The following NRXN2 variants were observed in gnomAD, a reference collection of about 807,000 sequenced individuals.
NRXN2 encodes the protein neurexin 2, also known as neurexin-2-beta.
In NRXN2, 29 loss-of-function variants were observed where a neutral mutation model predicts 128.8. The ratio of observed to expected loss-of-function variants is 0.23; its 90% CI spans 0.17 to 0.31. NRXN2 has a LOEUF of 0.31. Among genes scored for constraint, NRXN2 ranks in the 10% least tolerant of loss-of-function variants. NRXN2 has a pLI of 1.00. For missense variants in NRXN2, 1,881 were observed against 2,452.6 expected (o/e 0.77, Z 4.92); for synonymous variants, 1,098 against 1,075.2 (o/e 1.02, Z -0.41).
Position 64,667,421 on chromosome 11 carries a change from C to G in NRXN2, c.1627G>C (p.Gly543Arg). 1 of 1,614,182 alleles carries G rather than the reference C, an allele frequency of 6.2e-7. No individual in the cohort carries two copies. The highest frequency in any genetic ancestry group is 8.5e-7 in the Non-Finnish European group (1 of 1,180,020). ...SQGRRAGGGA[G>R]SHSSAQRADY... Reference sequence around the variant, plus strand: ...GCCCGCTGAGCAGAGCTGTGGCTGCCAGCTCCACCCCCAGCCCGCCGGCCC... The same window carrying G: ...GCCCGCTGAGCAGAGCTGTGGCTGCGAGCTCCACCCCCAGCCCGCCGGCCC... Residue 543 changes from glycine (G) to arginine (R), a missense_variant, in exon 9 of 23, where the codon GGC becomes CGC. This residue lies in a region of NRXN2 where 997 missense variants were observed against 1,240.8 expected (regional missense o/e 0.80). Transcript: ENST00000265459. This position sits in a 1 kb window ranked among gnomAD's most constrained non-coding sequence, Gnocchi z 5.6.
chr11:64,655,979 CAG>C (rs1189901940), intron 11 of NRXN2: 1 of 152,238 alleles, frequency 6.6e-6, no homozygotes, highest in Non-Finnish European at 1.5e-5. Context: ...CCTGGCTGGA[CAG>C]AGAGAGCAGG....
Position 64,713,685 on chromosome 11 carries a change from G to A in NRXN2, c.15C>T (p.Ser5=), listed in dbSNP as rs932826622. The A allele has an allele frequency of 6.2e-6, 7 of 1,134,408 alleles. No individual in the cohort carries two copies. Among genetic ancestry groups the A allele is most frequent in the African/African-American group, 1.7e-5 (1 of 60,516 alleles). 70.3% of individuals were successfully genotyped at this position (1,134,408 alleles called of 1,614,324 possible). ...GCGGCGGCGGTGTCGGCCGCCACCG[G>A]CTCCCGGACGCCATGCCTACGGCGG... MASG[S]RWRPTPPPLL... is the part of the protein sequence containing the mutation. Residue 5 remains serine (S), a synonymous_variant, in exon 2 of 23, where the codon AGC becomes AGT. Transcript: ENST00000265459.
chr11:64,638,192 G>A (rs906038799), intron 17 of NRXN2, among the ~76,000 whole-genome samples: 3 of 152,224 alleles, frequency 2.0e-5, no homozygotes, highest in African/African-American at 7.2e-5. Context: ...GACCTCCCCT[G>A]GGATTTATCA....
At chr11:64,636,237 C>A (rs959877227) in intron 17 of NRXN2, among the ~76,000 whole-genome samples, 1 of 151,988 alleles carries the variant, frequency 6.6e-6, no homozygotes, top group Non-Finnish European at 1.5e-5. Context: ...GATGAAGGCT[C>A]CCTCTCCCAG....
chr11:64,662,090 TAAAAA>T (rs35502743), intron 9 of NRXN2, among the ~76,000 whole-genome samples: 1 of 131,464 alleles, frequency 7.6e-6, no homozygotes, highest in Non-Finnish European at 1.6e-5. Flanking sequence ...CCATCTCTAC[TAAAAA>T]AAAAAAAAAA....
intron 9 of NRXN2, among the ~76,000 whole-genome samples, chr11:64,664,422 G>C (rs1033541262): frequency 2.7e-5 from 4 of 150,158 alleles, no homozygotes; most frequent in African/African-American, 9.9e-5. Context: ...AGGTTGCAGT[G>C]AGCCGAGATT....
At chr11:64,676,675 C>G in intron 7 of NRXN2, 3 of 474,360 alleles carry the variant, frequency 6.3e-6, no homozygotes, top group Middle Eastern at 5.5e-4. Context: ...TAACCAGAGC[C>G]GATGAACATG....
At position 64,648,109 on chromosome 11, in the gene NRXN2, G is replaced by C; in HGVS notation, c.3403+110C>G. ...GCAGACAAGGGATGAGAAGGAAGAA[G>C]CAGCACAGCTCCTGAATGCTCAGAG... On this transcript the variant is annotated intron_variant, in intron 17 of 22. Coordinates refer to ENST00000265459, the MANE Select transcript of NRXN2 (RefSeq NM_015080.4). The surrounding 1 kb of genome is among the most constrained non-coding windows in gnomAD (Gnocchi z 4.1). The C allele has an allele frequency of 6.8e-7, 1 of 1,471,548 alleles. No homozygotes were observed. The highest frequency in any genetic ancestry group is 2.3e-5 in the East Asian group (1 of 44,028). 91.2% of individuals were successfully genotyped at this position (1,471,548 alleles called of 1,614,324 possible). A position where few individuals can be genotyped will look rare whatever the true frequency, so the allele number is the denominator to read the frequency against.
rs542680183 is a variant in NRXN2, at chr11:64,635,743, G to C, written c.3404-291C>G. Among the ~76,000 whole-genome samples, 10 of 152,324 alleles carry C rather than the reference G, an allele frequency of 6.6e-5. No individual in the cohort carries two copies. The highest frequency in any genetic ancestry group is 1.3e-4 in the Admixed American group (2 of 15,300). On this transcript the variant is annotated intron_variant, in intron 17 of 22. Transcript: ENST00000265459. The surrounding 1 kb of genome is among the most constrained non-coding windows in gnomAD (Gnocchi z 4.8). ...GAGTGACACAGAGAGAGAGCCCAGA[G>C]AGAAGCTGTAAGGAGACTGAGAAGA...
chr11:64,681,715 C>T (rs1218630973), intron 6 of NRXN2, among the ~76,000 whole-genome samples: 2 of 152,182 alleles, frequency 1.3e-5, no homozygotes, highest in African/African-American at 4.8e-5. Flanking sequence ...GTCTTTCTGA[C>T]TCAAACCTCA....
rs1375975663 is a variant in NRXN2, at chr11:64,635,716, T to C, written c.3404-264A>G. On this transcript the variant is annotated intron_variant, in intron 17 of 22. Transcript: ENST00000265459. This position sits in a 1 kb window ranked among gnomAD's most constrained non-coding sequence, Gnocchi z 4.8. ...TAATTACAGCAAAATAGAGAGGTAATAGAGTGACACAGAGAGAGAGCCCAG... is the reference window on the plus strand; with the variant it reads ...TAATTACAGCAAAATAGAGAGGTAACAGAGTGACACAGAGAGAGAGCCCAG... Among the ~76,000 whole-genome samples, 19 of 151,804 alleles carry C rather than the reference T, an allele frequency of 1.3e-4. No individual in the cohort carries two copies. The highest frequency in any genetic ancestry group is 6.6e-4 in the Admixed American group (10 of 15,256).
In NRXN2 at chr11:64,651,932, C is replaced by T. The variant is rs2047513215; in HGVS notation, c.2536+103G>A. 2 of 1,550,790 alleles carry T rather than the reference C, an allele frequency of 1.3e-6. No individual in the cohort carries two copies. The highest frequency in any genetic ancestry group is 1.7e-4 in the Middle Eastern group (1 of 5,900). Reference sequence around the variant, plus strand: ...AAATGGCAGAGGCAGCTTGCCAGAACACTGCCCTAGGAATGGCAGCCCAGG... The same window carrying T: ...AAATGGCAGAGGCAGCTTGCCAGAATACTGCCCTAGGAATGGCAGCCCAGG... On this transcript the variant is annotated intron_variant, in intron 13 of 22. Transcript: ENST00000265459. The surrounding 1 kb of genome is among the most constrained non-coding windows in gnomAD (Gnocchi z 5.9).
rs200025059 is a variant in NRXN2 at position 64,713,505 on chromosome 11, C to G, written c.195G>C (p.Leu65=). ...FSLRTNATRA[L]LLYLDDGGDC... is the part of the protein sequence containing the mutation. ...CGCCGCCGTCGTCCAGGTAGAGCAG[C>G]AGCGCGCGCGTGGCGTTGGTGCGCA... Residue 65 remains leucine, a synonymous_variant, in exon 2 of 23, where the codon CTG becomes CTC. Transcript: ENST00000265459. 1.9e-5 allele frequency: 29 copies of G among 1,519,486 alleles called. No individual in the cohort carries two copies. In the Admixed American group the frequency reaches 5.8e-4, roughly 30 times the overall value. 94.1% of individuals were successfully genotyped at this position (1,519,486 alleles called of 1,614,324 possible).
At chr11:64,642,465 G>T in intron 17 of NRXN2, 2 of 1,515,786 alleles carry the variant, frequency 1.3e-6, no homozygotes, top group Non-Finnish European at 1.8e-6. Flanking sequence ...GCCCGCGGGG[G>T]CCCAGCTGCG....
chr11:64,695,823 T>A (rs529748038), intron 3 of NRXN2, among the ~76,000 whole-genome samples: 1 of 152,166 alleles, frequency 6.6e-6, no homozygotes, highest in South Asian at 2.1e-4. Context: ...CAGACCACCA[T>A]GCCACCCAAA....
rs1327596145 is a variant in NRXN2, at chr11:64,723,141, G to C, written c.-415C>G. ...CCCCGCCGCGGTGCCTCTCCGAGGA[G>C]GATGCTCCGCGAGTCAGGGCGGCTG... On this transcript the variant is annotated 5_prime_UTR_variant, in exon 1 of 23. Coordinates refer to ENST00000265459, the MANE Select transcript of NRXN2 (RefSeq NM_015080.4). 7.1e-6 allele frequency: 1 copy of C among 139,922 alleles called. No individual in the cohort carries two copies. Among genetic ancestry groups the C allele is most frequent in the Non-Finnish European group, 1.6e-5 (1 of 64,324 alleles). The allele number at this position is 139,922 out of a possible 1,614,324, so 8.7% of individuals were successfully genotyped here. A position where few individuals can be genotyped will look rare whatever the true frequency, so the allele number is the denominator to read the frequency against.
At chr11:64,621,419 T>C (rs1432708998) in intron 21 of NRXN2, among the ~76,000 whole-genome samples, 1 of 152,056 alleles carries the variant, frequency 6.6e-6, no homozygotes, top group African/African-American at 2.4e-5. Context: ...CCAGACCTTT[T>C]CCCCAAGGGC....
At chr11:64,708,782 C>T (rs943704764) in intron 2 of NRXN2, among the ~76,000 whole-genome samples, 6 of 152,282 alleles carry the variant, frequency 3.9e-5, no homozygotes, top group Admixed American at 6.5e-5. Context: ...AATATAATAT[C>T]AAAGTCATCT....
chr11:64,719,864 G>A (rs1021639221), intron 1 of NRXN2, among the ~76,000 whole-genome samples: 28 of 152,166 alleles, frequency 1.8e-4, no homozygotes, highest in Non-Finnish European at 2.5e-4. Context: ...AGGTGTGTGC[G>A]CGTGTGTGTG....
Sources: gnomAD v4.1 joint callset for allele counts (sites outside exome capture counted in the v4.1 genomes callset) on GRCh38, gnomAD v4.1.1 for gene constraint, gnomAD v4.1.1 regional missense constraint, Gnocchi (gnomAD v3.1) non-coding constraint, MANE v1.5 for transcripts, NCBI Gene and HGNC (gene_info 2026-07-23, HGNC 2026-07-21) for gene names.